The following CCM2 variants were observed in gnomAD, a reference collection of about 807,000 sequenced individuals.
The protein encoded by CCM2 is cerebral cavernous malformations 2 protein.
A neutral mutation model predicts 44.9 loss-of-function variants in CCM2; 25 were observed. The observed-to-expected ratio is 0.56, with a 90% CI of 0.41 to 0.78. The LOEUF (loss-of-function observed/expected upper bound fraction) is 0.78. Among genes scored for constraint, CCM2 ranks in the 30% least tolerant of loss-of-function variants. The probability of loss-of-function intolerance (pLI) is 0.00; values close to 1 mark genes in which losing one functional copy is unlikely to be tolerated. For synonymous variants in CCM2, 219 were observed against 241.1 expected (o/e 0.91, Z 0.85); for missense variants, 481 against 580.6 (o/e 0.83, Z 1.76).
rs1211794023 is a variant in CCM2 at position 45,068,354 on chromosome 7, C to T, written c.473-89C>T. On this transcript the variant is annotated intron_variant, in intron 4 of 9. Coordinates refer to ENST00000258781, the MANE Select transcript of CCM2 (RefSeq NM_031443.4). ...TGAGCCAGGTAAAGGTCCTCTCAGC[C>T]TGTTTCCATGGCGGCCTCAGCTGTT... The T allele has an allele frequency of 2.9e-5, 46 of 1,562,912 alleles. No homozygotes were observed. In the South Asian group the frequency reaches 4.8e-4, roughly 16 times the overall value.
chr7:45,063,515 A>G (rs900423345), intron 2 of CCM2, among the ~76,000 whole-genome samples: 9 of 152,322 alleles, frequency 5.9e-5, no homozygotes, highest in East Asian at 5.8e-4. Context: ...GACCTTTGCA[A>G]TTGAGGAAGT....
At chr7:45,074,229 C>G in intron 8 of CCM2, 41 bp from the exon 9 acceptor site, 1 of 1,612,742 alleles carries the variant, frequency 6.2e-7, no homozygotes, top group Non-Finnish European at 8.5e-7. Context: ...CGACTCTTGC[C>G]TACTGTGCCC....
intron 1 of CCM2, among the ~76,000 whole-genome samples, chr7:45,000,840 G>C (rs990664416): frequency 6.6e-6 from 1 of 152,246 alleles, no homozygotes; most frequent in African/African-American, 2.4e-5. Context: ...ATTGATTTTA[G>C]TGACGCTAGC....
chr7:45,021,882 G>A (rs1796496601), intron 1 of CCM2, among the ~76,000 whole-genome samples: 1 of 152,218 alleles, frequency 6.6e-6, no homozygotes, highest in African/African-American at 2.4e-5. Flanking sequence ...TGATTCATTA[G>A]TGGCATGTGA....
chr7:45,054,318 TAAG>T (rs1304993033), intron 2 of CCM2, among the ~76,000 whole-genome samples: 1 of 152,106 alleles, frequency 6.6e-6, no homozygotes, highest in Non-Finnish European at 1.5e-5. Flanking sequence ...GGCACAGTGT[TAAG>T]AAGAATTTGA....
At chr7:45,073,256 C>T (rs925900230) in intron 7 of CCM2, 13 of 620,068 alleles carry the variant, frequency 2.1e-5, no homozygotes, top group Admixed American at 7.2e-5. Flanking sequence ...AACTCAGAGC[C>T]ATGCCCCCGG....
intron 2 of CCM2, among the ~76,000 whole-genome samples, chr7:45,045,039 C>G (rs1452484152): frequency 6.6e-6 from 1 of 152,196 alleles, no homozygotes; most frequent in Non-Finnish European, 1.5e-5. Context: ...TCTTTGTGTT[C>G]TTGCTGTATC....
chr7:45,069,485 T>C (rs1798948467), intron 5 of CCM2, among the ~76,000 whole-genome samples: 1 of 152,222 alleles, frequency 6.6e-6, no homozygotes. Context: ...TCCTCTCACC[T>C]CTTTCCTGGG....
chr7:45,004,780 G>A (rs1367650454), intron 1 of CCM2, among the ~76,000 whole-genome samples: 1 of 152,056 alleles, frequency 6.6e-6, no homozygotes, highest in South Asian at 2.1e-4. Context: ...GGCTGAGGTG[G>A]GTGGATCACC....
At position 45,069,806 on chromosome 7, in the gene CCM2, G is replaced by C. The variant is rs933132482; in HGVS notation, c.610-20G>C. On this transcript the variant is annotated intron_variant, in intron 5 of 9. Transcript: ENST00000258781. ...AGTCTCCAGCCAGACTGACCGAGCA[G>C]CTGCTGTCCCCCACTGCAGGTCGCT... 4 of 1,613,838 alleles carry C rather than the reference G, an allele frequency of 2.5e-6. No homozygotes were observed. Among genetic ancestry groups the C allele is most frequent in the South Asian group, 2.2e-5 (2 of 91,092 alleles).
intron 1 of CCM2, chr7:45,027,260 G>A (rs746135225): frequency 1.1e-4 from 31 of 292,982 alleles, no homozygotes; most frequent in Non-Finnish European, 1.9e-4. Context: ...TCCACCCTTC[G>A]TATGAGGCAG....
intron 2 of CCM2, among the ~76,000 whole-genome samples, chr7:45,058,305 A>G (rs986948601): frequency 6.6e-6 from 1 of 152,154 alleles, no homozygotes; most frequent in Non-Finnish European, 1.5e-5. Flanking sequence ...GCCATTAAGT[A>G]TGATGTTCGC....
Position 45,063,970 on chromosome 7 carries a change from C to T in CCM2, c.257C>T (p.Thr86Ile). Residue 86 changes from threonine to isoleucine, a missense_variant, in exon 3 of 10, where the codon ACT becomes ATT. By Grantham distance (89) the Thr-to-Ile change is moderately conservative (BLOSUM62 -1). Coordinates refer to ENST00000258781, the MANE Select transcript of CCM2 (RefSeq NM_031443.4). ...IPGYLNPSSR[T>I]EILHFIDNAK... The stretch of plus-strand genomic sequence containing the variant: ...GGATACCTGAATCCCTCCAGTAGGA[C>T]TGAAATCCTGCATTTCATAGACAAT... 2 of 1,612,950 alleles carry T rather than the reference C, an allele frequency of 1.2e-6. No individual in the cohort carries two copies. The highest frequency in any genetic ancestry group is 1.7e-6 in the Non-Finnish European group (2 of 1,178,940).
chr7:45,028,726 T>C (rs541662024), intron 1 of CCM2, among the ~76,000 whole-genome samples: 2 of 151,884 alleles, frequency 1.3e-5, no homozygotes, highest in African/African-American at 4.8e-5. Flanking sequence ...GTCATACTTA[T>C]CATTTAGACC....
At chr7:45,065,650 A>ATGC (rs1254281121) in intron 4 of CCM2, among the ~76,000 whole-genome samples, 3 of 152,152 alleles carry the variant, frequency 2.0e-5, no homozygotes, top group Non-Finnish European at 4.4e-5. Context: ...GTGAGTCTAG[A>ATGC]TGCTTGGGGT....
chr7:45,074,224 C>G (rs763682175), intron 8 of CCM2, 46 bp from the exon 9 acceptor site: 1 of 1,612,504 alleles, frequency 6.2e-7, no homozygotes, highest in Non-Finnish European at 8.5e-7. Flanking sequence ...ACTGCCGACT[C>G]TTGCCTACTG....
At chr7:45,016,867 A>C (rs1796288773) in intron 1 of CCM2, among the ~76,000 whole-genome samples, 1 of 152,298 alleles carries the variant, frequency 6.6e-6, no homozygotes, top group Non-Finnish European at 1.5e-5. Context: ...TCCTGGCCTC[A>C]AGTGATCTGA....
At chr7:45,007,873 AAGAG>A (rs1270204752) in intron 1 of CCM2, among the ~76,000 whole-genome samples, 7 of 152,170 alleles carry the variant, frequency 4.6e-5, no homozygotes, top group Non-Finnish European at 8.8e-5. Context: ...GGAGAAAAAA[AAGAG>A]AGAAGCCTTT....
intron 1 of CCM2, among the ~76,000 whole-genome samples, chr7:45,022,668 A>C (rs1378927681): frequency 6.6e-6 from 1 of 152,054 alleles, no homozygotes; most frequent in African/African-American, 2.4e-5. Flanking sequence ...ATTAAATTTT[A>C]AAAAATTTCA....
Sources: gnomAD v4.1 joint callset for allele counts (sites outside exome capture counted in the v4.1 genomes callset) on GRCh38, gnomAD v4.1.1 for gene constraint, MANE v1.5 for transcripts, NCBI Gene and HGNC (gene_info 2026-07-23, HGNC 2026-07-21) for gene names.